Variants in THSD7B observed in about 807,000 individuals in gnomAD.
THSD7B encodes the protein thrombospondin type 1 domain containing 7B, also known as thrombospondin type-1 domain-containing protein 7B.
In THSD7B, 138 loss-of-function variants were observed where a neutral mutation model predicts 213.6. The observed-to-expected ratio is 0.65, with a 90% CI of 0.56 to 0.74. The LOEUF is 0.74. THSD7B is among the 30% of genes least tolerant of loss of function. The pLI is 0.00. For missense variants in THSD7B, 1,931 were observed against 1,991.5 expected, an observed-to-expected ratio of 0.97 and a Z score of 0.58; for synonymous variants, 742 against 687.0, an observed-to-expected ratio of 1.08 and a Z score of -1.25.
chr2:136,949,811 T>C (rs34139441), intron 2 of THSD7B, among the ~76,000 whole-genome samples: 21,426 of 152,192 alleles, frequency 0.14, 2,144 homozygotes, highest in Non-Finnish European at 0.22. Context: ...AGAAATACCA[T>C]TGGACCCAGC....
intron 2 of THSD7B, among the ~76,000 whole-genome samples, chr2:136,889,246 A>G (rs1683774314): frequency 6.6e-6 from 1 of 152,196 alleles, no homozygotes; most frequent in South Asian, 2.1e-4. Context: ...ATCTTATAAC[A>G]AGATATTATA....
intron 3 of THSD7B, among the ~76,000 whole-genome samples, chr2:137,081,742 G>A (rs1687750924): frequency 6.6e-6 from 1 of 151,944 alleles, no homozygotes; most frequent in Non-Finnish European, 1.5e-5. Flanking sequence ...CACATTTTCT[G>A]GCTTTTATTG....
intron 1 of THSD7B, among the ~76,000 whole-genome samples, chr2:136,836,399 T>C (rs1299498574): frequency 6.6e-6 from 1 of 152,198 alleles, no homozygotes; most frequent in Non-Finnish European, 1.5e-5. Context: ...TCCATATGCA[T>C]GCAGTATTTT....
intron 15 of THSD7B, among the ~76,000 whole-genome samples, chr2:137,466,254 T>C (rs1032291072): frequency 6.6e-6 from 1 of 152,144 alleles, no homozygotes; most frequent in Non-Finnish European, 1.5e-5. Flanking sequence ...ACTTGTGCTA[T>C]TATTCATTCG....
chr2:137,322,156 C>T (rs759955565), intron 12 of THSD7B, among the ~76,000 whole-genome samples: 1 of 152,200 alleles, frequency 6.6e-6, no homozygotes, highest in Middle Eastern at 3.2e-3. Context: ...TTCTAAAACT[C>T]AGCTCCCCTT....
intron 4 of THSD7B, among the ~76,000 whole-genome samples, chr2:137,095,776 G>C (rs1438814943): frequency 2.0e-5 from 3 of 152,014 alleles, no homozygotes; most frequent in Admixed American, 2.0e-4. Context: ...GCTCACTTTA[G>C]CCTCCACCTC....
At chr2:137,618,367 A>G (rs1682447207) in intron 18 of THSD7B, 25 bp from the exon 19 acceptor site, 5 of 1,602,964 alleles carry the variant, frequency 3.1e-6, no homozygotes, top group African/African-American at 2.7e-5. Flanking sequence ...TTTGAAACTC[A>G]GTGTGGGTGA....
At chr2:137,139,632 G>T (rs1322128966) in intron 5 of THSD7B, among the ~76,000 whole-genome samples, 1 of 152,078 alleles carries the variant, frequency 6.6e-6, no homozygotes, top group Non-Finnish European at 1.5e-5. Context: ...TAAGTAGTTT[G>T]CCAGCCATTG....
At chr2:136,942,828 T>G (rs1301369968) in intron 2 of THSD7B, among the ~76,000 whole-genome samples, 2 of 152,212 alleles carry the variant, frequency 1.3e-5, no homozygotes, top group Non-Finnish European at 2.9e-5. Flanking sequence ...TTTTCCTAAT[T>G]GAATACCATT....
chr2:137,341,722 G>T (rs1433246869), intron 12 of THSD7B, among the ~76,000 whole-genome samples: 1 of 151,530 alleles, frequency 6.6e-6, no homozygotes, highest in Non-Finnish European at 1.5e-5. Flanking sequence ...TTAAGGGATT[G>T]TCCTTTTTAC....
At chr2:136,993,917 G>A (rs538614158) in intron 2 of THSD7B, among the ~76,000 whole-genome samples, 7 of 152,096 alleles carry the variant, frequency 4.6e-5, no homozygotes, top group Admixed American at 3.3e-4. Flanking sequence ...AAATATATAC[G>A]TGCATTTATA....
intron 17 of THSD7B, among the ~76,000 whole-genome samples, chr2:137,606,583 G>T (rs1682182244): frequency 1.3e-5 from 2 of 152,048 alleles, no homozygotes; most frequent in South Asian, 4.2e-4. Flanking sequence ...ACTTTTCTGG[G>T]GTCTAGAGAA....
At chr2:137,145,053 G>A (rs1481559475) in intron 5 of THSD7B, among the ~76,000 whole-genome samples, 1 of 152,052 alleles carries the variant, frequency 6.6e-6, no homozygotes, top group Non-Finnish European at 1.5e-5. Flanking sequence ...GAGGAGAAAA[G>A]TAGGCTGTTA....
chr2:137,503,748 C>T (rs974052148), intron 15 of THSD7B, among the ~76,000 whole-genome samples: 6 of 151,968 alleles, frequency 3.9e-5, no homozygotes, highest in South Asian at 2.1e-4. Context: ...GAAAGTGAGC[C>T]GGGCGCGGTA....
rs1688430447 is a variant in THSD7B at position 137,115,410 on chromosome 2, AT to A, written c.1369+121del. ...CTTAGCATTCACACATTTAATATTT[AT>A]TTTGTTGACCATTTGTATGCCGCCC... On this transcript the variant is annotated intron_variant, in intron 5 of 27. Transcript: ENST00000409968. The A allele has an allele frequency of 3.3e-6, 4 of 1,204,612 alleles. No homozygotes were observed. The East Asian group carries it at 1.2e-4, about 35-fold the overall frequency. 74.6% of individuals were successfully genotyped at this position (1,204,612 alleles called of 1,614,324 possible).
intron 16 of THSD7B, among the ~76,000 whole-genome samples, chr2:137,565,453 T>C (rs1372622384): frequency 6.6e-6 from 1 of 152,124 alleles, no homozygotes; most frequent in Non-Finnish European, 1.5e-5. Context: ...AGCTTGCTTT[T>C]ACAACAGTCA....
At chr2:137,543,709 C>T (rs1038897485) in intron 15 of THSD7B, among the ~76,000 whole-genome samples, 5 of 151,700 alleles carry the variant, frequency 3.3e-5, no homozygotes, top group South Asian at 4.2e-4. Flanking sequence ...ATTTGCAAAC[C>T]ATACATCTGA....
intron 12 of THSD7B, among the ~76,000 whole-genome samples, chr2:137,372,888 C>A (rs574942817): frequency 7.0e-6 from 1 of 143,622 alleles, no homozygotes; most frequent in East Asian, 2.1e-4. Context: ...TGATGTTCCC[C>A]TTCCTGTGTC....
intron 15 of THSD7B, among the ~76,000 whole-genome samples, chr2:137,454,372 A>G (rs1012959551): frequency 2.6e-5 from 4 of 151,210 alleles, no homozygotes; most frequent in African/African-American, 9.7e-5. Context: ...TTTAAAAGAA[A>G]TTCTCTTCAG....
Sources: gnomAD v4.1 joint callset for allele counts (sites outside exome capture counted in the v4.1 genomes callset) on GRCh38, gnomAD v4.1.1 for gene constraint, MANE v1.5 for transcripts, NCBI Gene and HGNC (gene_info 2026-07-23, HGNC 2026-07-21) for gene names.